Variants in APOL5 observed in about 807,000 individuals in gnomAD.
The protein encoded by APOL5 is apolipoprotein L5.
APOL5 carries 29 observed loss-of-function variants against 35.5 expected under a neutral mutation model. The ratio of observed to expected loss-of-function variants is 0.82; its 90% CI spans 0.61 to 1.11. APOL5 has a LOEUF of 1.11. Among genes scored for constraint, APOL5 ranks in the 50% most tolerant of loss-of-function variants. The pLI is 0.00. For synonymous variants in APOL5, 188 were observed against 200.2 expected, an observed-to-expected ratio of 0.94 and a Z score of 0.51; for missense variants, 514 against 530.4, an observed-to-expected ratio of 0.97 and a Z score of 0.30.
In APOL5 at chr22:35,721,867, T is replaced by C. The variant is rs779602665; in HGVS notation, c.142+1213T>C. On this transcript the variant is annotated intron_variant, in intron 2 of 4. Coordinates refer to ENST00000249044, the MANE Select transcript of APOL5 (RefSeq NM_030642.1). ...AGGTTGCACTTAACTCTTGCCAAAG[T>C]GTCCATAAGGTTCTCTAAAGTGGGT... Among the ~76,000 whole-genome samples, 10 of 151,778 alleles carry C rather than the reference T, an allele frequency of 6.6e-5. 1 individual carries two copies. Among genetic ancestry groups the C allele is most frequent in the African/African-American group, 9.8e-5 (4 of 41,020 alleles).
chr22:35,714,449 T>C (rs1601891681), upstream of APOL5, among the ~76,000 whole-genome samples: 1 of 152,210 alleles, frequency 6.6e-6, no homozygotes, highest in African/African-American at 2.4e-5. Flanking sequence ...GATTTGTTTT[T>C]GGCCCAGCCA....
At chr22:35,727,269 T>A in intron 3 of APOL5, 75 bp downstream of exon 3, 1 of 1,531,332 alleles carries the variant, frequency 6.5e-7, no homozygotes. Flanking sequence ...GGGCGACGAA[T>A]GCTAAACGGA....
In APOL5 at chr22:35,728,027, T is replaced by G. The variant is rs140073749; in HGVS notation, c.1127-696T>G. Among the ~76,000 whole-genome samples the G allele has an allele frequency of 9.8e-5, 15 of 152,330 alleles. No individual in the cohort carries two copies. In the East Asian group the frequency reaches 2.7e-3, roughly 27 times the overall value. The stretch of plus-strand genomic sequence containing the variant: ...TGTGAAGGCTCAAATGTTCATTCAC[T>G]CATTGTCCATTCAACAGATTTTCAT... On this transcript the variant is annotated intron_variant, in intron 3 of 4. Transcript: ENST00000249044.
chr22:35,728,567 G>A (rs1927258179), intron 3 of APOL5, among the ~76,000 whole-genome samples, 156 bp from the exon 4 acceptor site: 2 of 152,176 alleles, frequency 1.3e-5, no homozygotes. Context: ...CTGCGGTGCC[G>A]CCAAGTTTGG....
upstream of APOL5, among the ~76,000 whole-genome samples, chr22:35,714,741 G>A (rs115853147): frequency 3.9e-3 from 598 of 152,292 alleles, 4 homozygotes; most frequent in African/African-American, 0.013. Flanking sequence ...AAATGAACTG[G>A]GGCCAGTGGA....
chr22:35,708,981 G>A, the APOL5 span, among the ~76,000 whole-genome samples: 8 of 152,182 alleles, frequency 5.3e-5, no homozygotes, highest in Non-Finnish European at 1.2e-4. Flanking sequence ...TACACAATGC[G>A]AGTAACACAA....
Position 35,727,165 on chromosome 22 carries a change from T to TG in APOL5, c.1097_1098insG (p.Arg367SerfsTer7). ...TGTTCCAGCTCCCGGGGCAGGGCTG[T>TG]TCGAGGATCCCGTGTGGTTAAACCA... On this transcript the variant is annotated frameshift_variant, in exon 3 of 5. Coordinates refer to ENST00000249044, the MANE Select transcript of APOL5 (RefSeq NM_030642.1). LOFTEE classifies it high-confidence loss of function. 1 of 1,604,398 alleles carries TG rather than the reference T, an allele frequency of 6.2e-7. No homozygotes were observed. The highest frequency in any genetic ancestry group is 8.5e-7 in the Non-Finnish European group (1 of 1,179,432).
chr22:35,718,510 G>A (rs571015308), intron 1 of APOL5, among the ~76,000 whole-genome samples: 4 of 150,620 alleles, frequency 2.7e-5, no homozygotes, highest in Admixed American at 2.0e-4. Flanking sequence ...CCCGTTACTC[G>A]GGAGGGTGAG....
intron 3 of APOL5, 53 bp from the exon 4 acceptor site, chr22:35,728,670 G>A (rs1927261489): frequency 1.9e-6 from 3 of 1,578,712 alleles, no homozygotes; most frequent in Non-Finnish European, 2.6e-6. Context: ...TGAACGTCCA[G>A]GGGCAGATCT....
intron 2 of APOL5, among the ~76,000 whole-genome samples, chr22:35,720,992 C>T (rs1362752618): frequency 1.3e-5 from 2 of 152,072 alleles, no homozygotes; most frequent in African/African-American, 2.4e-5. Context: ...ATGCTCCACC[C>T]GCCTCGGCCT....
At chr22:35,713,186 A>C (rs1445460957), upstream of APOL5, among the ~76,000 whole-genome samples, 1 of 152,054 alleles carries the variant, frequency 6.6e-6, no homozygotes, top group African/African-American at 2.4e-5. Context: ...CTTTTAATCT[A>C]GTTTATCTAT....
upstream of APOL5, among the ~76,000 whole-genome samples, chr22:35,715,260 C>T (rs1330489857): frequency 6.6e-6 from 1 of 152,186 alleles, no homozygotes; most frequent in African/African-American, 2.4e-5. Flanking sequence ...TTCTTGCCTC[C>T]TCCCCAAAAT....
At chr22:35,724,041 G>C (rs1927062369) in intron 2 of APOL5, among the ~76,000 whole-genome samples, 1 of 152,164 alleles carries the variant, frequency 6.6e-6, no homozygotes, top group South Asian at 2.1e-4. Flanking sequence ...CCGTGGAAGG[G>C]GGATTTGTGG....
At chr22:35,717,768 G>T, upstream of APOL5, 8 of 409,672 alleles carry the variant, frequency 2.0e-5, no homozygotes, top group Non-Finnish European at 3.1e-5. Flanking sequence ...GAAAAGAAAA[G>T]AAAAAAAAAT....
upstream of APOL5, among the ~76,000 whole-genome samples, chr22:35,716,821 C>T (rs982409184): frequency 3.9e-5 from 6 of 152,008 alleles, no homozygotes; most frequent in African/African-American, 1.4e-4. Context: ...ATATCCTGGA[C>T]CTCTTTCTAG....
chr22:35,718,903 A>G (rs1926858845), intron 1 of APOL5, among the ~76,000 whole-genome samples: 1 of 152,048 alleles, frequency 6.6e-6, no homozygotes, highest in Admixed American at 6.6e-5. Flanking sequence ...TACTACAAAT[A>G]GAAAACTTAT....
chr22:35,711,599 T>TTTCCTTCCTTCCTTCCTTCCTTCCTTCC, the APOL5 span, among the ~76,000 whole-genome samples: 24 of 77,562 alleles, frequency 3.1e-4, 1 homozygote, highest in African/African-American at 7.9e-4. Context: ...TCACCATGTT[T>TTTCCTTCCTTCCTTCCTTCCTTCCTTCC]TTCCTTCCTT....
the APOL5 span, among the ~76,000 whole-genome samples, chr22:35,711,989 T>TGTTTTGTTGTTGTTGTTGC: frequency 6.6e-6 from 1 of 151,170 alleles, no homozygotes; most frequent in African/African-American, 2.4e-5. Flanking sequence ...GTTGTTGTTG[T>TGTTTTGTTGTTGTTGTTGC]GTTTTGTTGT....
chr22:35,718,720 T>C (rs1470925123), intron 1 of APOL5, among the ~76,000 whole-genome samples: 2 of 152,012 alleles, frequency 1.3e-5, no homozygotes, highest in Non-Finnish European at 2.9e-5. Flanking sequence ...TTATAACAAC[T>C]GTATAGCAAG....
Sources: gnomAD v4.1 joint callset for allele counts (sites outside exome capture counted in the v4.1 genomes callset) on GRCh38, gnomAD v4.1.1 for gene constraint, MANE v1.5 for transcripts, NCBI Gene and HGNC (gene_info 2026-07-23, HGNC 2026-07-21) for gene names.